CDKN2B-AS1: variants seen among roughly 807,000 people sequenced by gnomAD.
The protein encoded by CDKN2B-AS1 is CDKN2B and CDKN2A antisense cis and trans regulatory RNA 1, also known as CDKN2B antisense RNA 1 (non-protein coding).
chr9:22,020,535 A>T (rs184382404), intron 1 of CDKN2B-AS1, among the ~76,000 whole-genome samples: 245 of 152,154 alleles, frequency 1.6e-3, no homozygotes, highest in Non-Finnish European at 2.5e-3. Context: ...CCTCAACAGC[A>T]TCTGTTATTT....
intron 1 of CDKN2B-AS1, among the ~76,000 whole-genome samples, chr9:22,011,568 T>C (rs1821511142): frequency 6.6e-6 from 1 of 152,186 alleles, no homozygotes; most frequent in Admixed American, 6.5e-5. Context: ...TTATACTACA[T>C]AGTGTTTTTT....
chr9:22,090,967 A>G (rs1432309348), intron 4 of CDKN2B-AS1, among the ~76,000 whole-genome samples: 2 of 152,126 alleles, frequency 1.3e-5, no homozygotes, highest in Non-Finnish European at 2.9e-5. Context: ...TAGGTCTAAC[A>G]TTTAAGTCTT....
chr9:22,086,274 C>A (rs1225080262), intron 4 of CDKN2B-AS1, among the ~76,000 whole-genome samples: 1 of 152,192 alleles, frequency 6.6e-6, no homozygotes, highest in East Asian at 1.9e-4. Flanking sequence ...CCTACTCAGC[C>A]ATTTATTTTA....
intron 4 of CDKN2B-AS1, among the ~76,000 whole-genome samples, chr9:22,082,244 C>T (rs1824725243): frequency 6.6e-6 from 1 of 152,132 alleles, no homozygotes; most frequent in African/African-American, 2.4e-5. Context: ...TATAGCGGGT[C>T]TTGAAAGCAG....
At chr9:22,117,162 A>G (rs764165176) in intron 4 of CDKN2B-AS1, among the ~76,000 whole-genome samples, 80 of 152,226 alleles carry the variant, frequency 5.3e-4, no homozygotes, top group Non-Finnish European at 8.8e-4. Context: ...ACCTTTTAAG[A>G]TATAGAAAAT....
chr9:22,116,020 A>G (rs1246881547), intron 4 of CDKN2B-AS1, among the ~76,000 whole-genome samples: 3 of 152,184 alleles, frequency 2.0e-5, no homozygotes, highest in Non-Finnish European at 4.4e-5. Context: ...AAAAGTATGA[A>G]AAGAGCTGCC....
In CDKN2B-AS1 at chr9:21,996,823, A is replaced by G. The variant is rs1820711465; in HGVS notation, n.29+1662A>G. 6.6e-6 allele frequency among the ~76,000 whole-genome samples: 1 copy of G among 152,150 alleles called. No individual in the cohort carries two copies. The highest frequency in any genetic ancestry group is 1.5e-5 in the Non-Finnish European group (1 of 68,032). Reference sequence around the variant, plus strand: ...TAGTGTCATTTAAAGATACTGGAGGAATGGAGTGGGAGCGGTGAGGGTTTC... The same window carrying G: ...TAGTGTCATTTAAAGATACTGGAGGGATGGAGTGGGAGCGGTGAGGGTTTC... On this transcript the variant is annotated intron_variant and non_coding_transcript_variant, in intron 1 of 4. Coordinates refer to ENST00000650946, the Ensembl canonical transcript of CDKN2B-AS1. This position sits in a 1 kb window ranked among gnomAD's most constrained non-coding sequence, Gnocchi z 5.4.
rs1825191174 is a variant in CDKN2B-AS1 at position 22,094,114 on chromosome 9, A to T, written n.439-32989A>T. Among the ~76,000 whole-genome samples the T allele has an allele frequency of 2.8e-5, 4 of 143,966 alleles. 1 individual carries two copies. The highest frequency in any genetic ancestry group is 1.3e-4 in the Admixed American group (2 of 14,880). The allele number at this position is 143,966 out of a possible 152,430, so 94.4% of individuals were successfully genotyped here. A position where few individuals can be genotyped will look rare whatever the true frequency, so the allele number is the denominator to read the frequency against. ...CTGGATATGAAATTCTGGGTTGAAA[A>T]TTCTTTTCTTTAAGAATGTTGAATA... is the stretch of plus-strand genomic sequence containing the variant. On this transcript the variant is annotated intron_variant and non_coding_transcript_variant, in intron 4 of 4. Coordinates refer to ENST00000650946, the Ensembl canonical transcript of CDKN2B-AS1.
intron 1 of CDKN2B-AS1, among the ~76,000 whole-genome samples, chr9:22,034,873 G>T (rs1422217819): frequency 1.3e-5 from 2 of 152,104 alleles, no homozygotes; most frequent in African/African-American, 4.8e-5. Context: ...TGACATAAGG[G>T]TCATAATTTG....
intron 4 of CDKN2B-AS1, among the ~76,000 whole-genome samples, chr9:22,086,957 A>C (rs1294370841): frequency 6.6e-6 from 1 of 152,198 alleles, no homozygotes; most frequent in East Asian, 1.9e-4. Flanking sequence ...AATGCACACT[A>C]TGGCAAGCCA....
intron 4 of CDKN2B-AS1, among the ~76,000 whole-genome samples, chr9:22,104,901 C>T (rs1825607201): frequency 6.6e-6 from 1 of 152,108 alleles, no homozygotes; most frequent in Non-Finnish European, 1.5e-5. Flanking sequence ...AGGGACTTTG[C>T]TAGGAGCTAT....
At chr9:22,038,913 G>GT (rs1437167723) in intron 1 of CDKN2B-AS1, among the ~76,000 whole-genome samples, 1 of 152,012 alleles carries the variant, frequency 6.6e-6, no homozygotes, top group African/African-American at 2.4e-5. Context: ...TCTAGAAATA[G>GT]TAATTTCATT....
chr9:22,008,417 AT>A (rs1400408809), intron 1 of CDKN2B-AS1, among the ~76,000 whole-genome samples: 4 of 152,290 alleles, frequency 2.6e-5, no homozygotes, highest in Middle Eastern at 3.4e-3. Flanking sequence ...ATTTTGTAGA[AT>A]TCCTTAAATC....
At chr9:22,094,770 A>G (rs1289189750) in intron 4 of CDKN2B-AS1, among the ~76,000 whole-genome samples, 5 of 143,194 alleles carry the variant, frequency 3.5e-5, no homozygotes. Context: ...TTCCTCCTTT[A>G]GCTTGGAGTA....
At chr9:22,081,556 A>G (rs1392268332) in intron 4 of CDKN2B-AS1, among the ~76,000 whole-genome samples, 1 of 152,244 alleles carries the variant, frequency 6.6e-6, no homozygotes, top group Non-Finnish European at 1.5e-5. Context: ...TTTAGGGATT[A>G]CAGAAATGGG....
intron 4 of CDKN2B-AS1, among the ~76,000 whole-genome samples, chr9:22,072,639 G>A (rs9632885): frequency 0.56 from 84,544 of 152,064 alleles, 24,213 homozygotes; most frequent in African/African-American, 0.7. Context: ...GTTATTAGAT[G>A]ATATAGTCTC....
At chr9:22,126,808 G>T (rs1305864806) in intron 4 of CDKN2B-AS1, among the ~76,000 whole-genome samples, 1 of 152,060 alleles carries the variant, frequency 6.6e-6, no homozygotes, top group Non-Finnish European at 1.5e-5. Flanking sequence ...TCCTGACCTC[G>T]TGATCAGCCC....
chr9:22,008,087 T>C (rs983225746), intron 1 of CDKN2B-AS1, among the ~76,000 whole-genome samples: 1 of 152,204 alleles, frequency 6.6e-6, no homozygotes, highest in African/African-American at 2.4e-5. Context: ...TACTTAAACA[T>C]TGAATAAGTG....
intron 4 of CDKN2B-AS1, among the ~76,000 whole-genome samples, chr9:22,056,748 A>G (rs1321437733): frequency 1.3e-5 from 2 of 152,152 alleles, no homozygotes; most frequent in African/African-American, 2.4e-5. Flanking sequence ...TTTAAATATC[A>G]TCTACATCCA....
Sources: allele counts gnomAD v4.1 joint callset (sites outside exome capture counted in the v4.1 genomes callset), GRCh38; gene constraint gnomAD v4.1.1; non-coding constraint Gnocchi (gnomAD v3.1); transcripts MANE v1.5; gene names NCBI Gene and HGNC (gene_info 2026-07-23, HGNC 2026-07-21).